The following NRG2 variants were observed in gnomAD, a reference collection of about 807,000 sequenced individuals.
NRG2 encodes neuregulin 2, also known as pro-neuregulin-2, membrane-bound isoform.
NRG2 carries 27 observed loss-of-function variants against 73.9 expected under a neutral mutation model. The observed-to-expected ratio is 0.37, with a 90% CI of 0.27 to 0.50. NRG2 has a LOEUF of 0.50. Among genes scored for constraint, NRG2 ranks in the 20% least tolerant of loss-of-function variants. The pLI is 0.96. For synonymous variants in NRG2, 532 were observed against 541.0 expected, an observed-to-expected ratio of 0.98 and a Z score of 0.23; for missense variants, 1,126 against 1,210.1, an observed-to-expected ratio of 0.93 and a Z score of 1.03.
intron 1 of NRG2, among the ~76,000 whole-genome samples, chr5:140,029,284 C>T (rs560186430): frequency 2.1e-4 from 32 of 152,300 alleles, no homozygotes; most frequent in Admixed American, 2.1e-3. Context: ...GTAAGAAACA[C>T]AGTCAGGAAC....
chr5:140,015,508 G>A (rs562950237), intron 1 of NRG2, among the ~76,000 whole-genome samples: 6 of 152,248 alleles, frequency 3.9e-5, no homozygotes, highest in African/African-American at 1.2e-4. Flanking sequence ...AGACATTAAC[G>A]GAGATTCCAT....
At chr5:140,033,794 T>G (rs1761317127) in intron 1 of NRG2, among the ~76,000 whole-genome samples, 1 of 152,192 alleles carries the variant, frequency 6.6e-6, no homozygotes, top group African/African-American at 2.4e-5. Flanking sequence ...GGTTAATAAT[T>G]AACATTTTTC....
intron 1 of NRG2, among the ~76,000 whole-genome samples, chr5:140,039,695 C>A (rs1561771917): frequency 6.6e-6 from 1 of 150,876 alleles, no homozygotes; most frequent in South Asian, 2.1e-4. Flanking sequence ...TGCCCCCCTC[C>A]AAAAAAAAAC....
intron 1 of NRG2, among the ~76,000 whole-genome samples, chr5:139,952,969 C>A (rs896348219): frequency 6.6e-6 from 1 of 152,082 alleles, no homozygotes; most frequent in African/African-American, 2.4e-5. Flanking sequence ...CCTCATTGTG[C>A]GGCCTAATCC....
At chr5:139,929,635 T>C (rs973508972) in intron 1 of NRG2, among the ~76,000 whole-genome samples, 1 of 152,216 alleles carries the variant, frequency 6.6e-6, no homozygotes, top group African/African-American at 2.4e-5. Flanking sequence ...CACACTTCCA[T>C]ATGGGTGCCA....
Position 139,851,875 on chromosome 5 carries a change from A to AG in NRG2, c.1545-45dup, listed in dbSNP as rs768987439. ...GTGAGACGAGGGGTCAGGAAGGGGCAGGGCGGCCCAGCAGGTGTGGTCCCA... is the reference window on the plus strand; with the variant it reads ...GTGAGACGAGGGGTCAGGAAGGGGCAGGGGCGGCCCAGCAGGTGTGGTCCCA... On this transcript the variant is annotated intron_variant, in intron 8 of 9. Coordinates refer to ENST00000361474, the MANE Select transcript of NRG2 (RefSeq NM_004883.3). This position sits in a 1 kb window ranked among gnomAD's most constrained non-coding sequence, Gnocchi z 4.2. The AG allele has an allele frequency of 7.6e-6, 12 of 1,573,628 alleles. No individual in the cohort carries two copies. The highest frequency in any genetic ancestry group is 1.0e-5 in the Non-Finnish European group (12 of 1,149,624).
Position 139,887,362 on chromosome 5 carries a change from G to C in NRG2, c.850C>G (p.Arg284Gly), listed in dbSNP as rs761944120. Residue 284 changes from arginine to glycine, a missense_variant, in exon 2 of 10, where the codon CGC becomes GGC. Arg to Gly is a moderately radical substitution (Grantham distance 125). Coordinates refer to ENST00000361474, the MANE Select transcript of NRG2 (RefSeq NM_004883.3). The surrounding 1 kb of genome is among the most constrained non-coding windows in gnomAD (Gnocchi z 4.5). ...GKELNRSRDI[R>G]IKYGNGRKNS... Reference sequence around the variant, plus strand: ...TACCTGCCGTTGCCATATTTGATGCGAATGTCTCGGCTGCGGTTGAGCTCC... The same window carrying C: ...TACCTGCCGTTGCCATATTTGATGCCAATGTCTCGGCTGCGGTTGAGCTCC... The C allele has an allele frequency of 5.6e-6, 9 of 1,614,084 alleles. No homozygotes were observed. The highest frequency in any genetic ancestry group is 6.8e-6 in the Non-Finnish European group (8 of 1,180,042).
chr5:139,848,627 C>T lies in NRG2; in HGVS notation c.1843G>A (p.Val615Met). Residue 615 changes from valine to methionine, a missense_variant, in exon 10 of 10, where the codon GTG (valine) becomes ATG (methionine). Transcript: ENST00000361474. ...GGGGACGTGATCTCGAAAGTTGGCA[C>T]CTGCGTGGCCAGCGAGTAGTGGAAG... ...VDFHYSLATQ[V>M]PTFEITSPNS... is the part of the protein sequence containing the mutation. 6.3e-7 allele frequency: 1 copy of T among 1,577,778 alleles called. No homozygotes were observed. The highest frequency in any genetic ancestry group is 1.4e-5 in the African/African-American group (1 of 73,104).
chr5:139,959,495 G>A (rs887807515), intron 1 of NRG2, among the ~76,000 whole-genome samples: 1 of 152,230 alleles, frequency 6.6e-6, no homozygotes, highest in Non-Finnish European at 1.5e-5. Context: ...TCCTGCCTCA[G>A]CCTCCTGAGT....
rs569813922 is a variant in NRG2 at position 139,850,517 on chromosome 5, A to T, written c.1772+1087T>A. 4.3e-4 allele frequency among the ~76,000 whole-genome samples: 65 copies of T among 152,346 alleles called. 1 individual carries two copies. Among genetic ancestry groups the T allele is most frequent in the Admixed American group, 3.2e-3 (49 of 15,306 alleles). Reference sequence around the variant, plus strand: ...GCAGGCCACTTCTGGATTCCCAGCCAGGCCTGCCCAGCACAGGGCCTGGCA... The same window carrying T: ...GCAGGCCACTTCTGGATTCCCAGCCTGGCCTGCCCAGCACAGGGCCTGGCA... On this transcript the variant is annotated intron_variant, in intron 9 of 9. Coordinates refer to ENST00000361474, the MANE Select transcript of NRG2 (RefSeq NM_004883.3).
intron 1 of NRG2, among the ~76,000 whole-genome samples, chr5:139,961,226 G>A (rs191299836): frequency 3.7e-4 from 57 of 152,256 alleles, no homozygotes; most frequent in Non-Finnish European, 7.1e-4. Context: ...AGCCCCAGCC[G>A]GTGCCCTTGC....
chr5:139,992,828 T>C (rs1757735518), intron 1 of NRG2, among the ~76,000 whole-genome samples: 1 of 152,116 alleles, frequency 6.6e-6, no homozygotes, highest in African/African-American at 2.4e-5. Flanking sequence ...TGCCCAAGAG[T>C]AACTGCTCTG....
At position 140,043,275 on chromosome 5, in the gene NRG2, T is replaced by C; in HGVS notation, c.-206A>G. 1 of 567,734 alleles carries C rather than the reference T, an allele frequency of 1.8e-6. No individual in the cohort carries two copies. The highest frequency in any genetic ancestry group is 2.2e-5 in the South Asian group (1 of 44,952). The allele number at this position is 567,734 out of a possible 1,614,324, so 35.2% of individuals were successfully genotyped here. A position where few individuals can be genotyped will look rare whatever the true frequency, so the allele number is the denominator to read the frequency against. ...GCGGCGCAGCGCAGCGCTCCCACCCTGTGCGCCAGGACCTGGAGGAGGATG... is the reference window on the plus strand; with the variant it reads ...GCGGCGCAGCGCAGCGCTCCCACCCCGTGCGCCAGGACCTGGAGGAGGATG... On this transcript the variant is annotated 5_prime_UTR_variant, in exon 1 of 10. Coordinates refer to ENST00000361474, the MANE Select transcript of NRG2 (RefSeq NM_004883.3). This position sits in a 1 kb window ranked among gnomAD's most constrained non-coding sequence, Gnocchi z 6.7.
At chr5:140,013,259 C>T (rs184329735) in intron 1 of NRG2, among the ~76,000 whole-genome samples, 2 of 152,308 alleles carry the variant, frequency 1.3e-5, no homozygotes, top group South Asian at 2.1e-4. Flanking sequence ...AATCCCTCTA[C>T]TTGTGTGCCA....
intron 1 of NRG2, among the ~76,000 whole-genome samples, chr5:139,961,847 C>T (rs1755088375): frequency 6.6e-6 from 1 of 152,244 alleles, no homozygotes; most frequent in South Asian, 2.1e-4. Context: ...GAATCGTCTG[C>T]AATAGCCACT....
At chr5:140,035,608 C>A (rs1039012937) in intron 1 of NRG2, among the ~76,000 whole-genome samples, 1 of 152,178 alleles carries the variant, frequency 6.6e-6, no homozygotes, top group Non-Finnish European at 1.5e-5. Flanking sequence ...TTCATGATGT[C>A]CTGACTTTTG....
At position 139,853,670 on chromosome 5, in the gene NRG2, G is replaced by T. The variant is rs369006016; in HGVS notation, c.1293-643C>A. ...TCAGATTGGCACATATTAAATGCTC[G>T]ATTTATTTGATATTAAATCTAATCA... On this transcript the variant is annotated intron_variant, in intron 6 of 9. Coordinates refer to ENST00000361474, the MANE Select transcript of NRG2 (RefSeq NM_004883.3). This position sits in a 1 kb window ranked among gnomAD's most constrained non-coding sequence, Gnocchi z 4.1. Among the ~76,000 whole-genome samples, 1 of 152,158 alleles carries T rather than the reference G, an allele frequency of 6.6e-6. No homozygotes were observed. The highest frequency in any genetic ancestry group is 1.5e-5 in the Non-Finnish European group (1 of 68,030).
intron 1 of NRG2, among the ~76,000 whole-genome samples, chr5:139,925,248 T>C (rs1391173209): frequency 6.6e-6 from 1 of 152,228 alleles, no homozygotes; most frequent in Non-Finnish European, 1.5e-5. Flanking sequence ...TCCTGTGTTC[T>C]GACTGAGGCT....
intron 1 of NRG2, among the ~76,000 whole-genome samples, chr5:140,030,364 A>G (rs373129374): frequency 5.3e-5 from 8 of 152,306 alleles, no homozygotes; most frequent in Admixed American, 2.0e-4. Context: ...AATCAAAACC[A>G]ATGCCTTTAA....
Sources: allele counts gnomAD v4.1 joint callset (sites outside exome capture counted in the v4.1 genomes callset), GRCh38; gene constraint gnomAD v4.1.1; non-coding constraint Gnocchi (gnomAD v3.1); transcripts MANE v1.5; gene names NCBI Gene and HGNC (gene_info 2026-07-23, HGNC 2026-07-21).